Variants in SCAF11 observed in about 807,000 individuals in gnomAD.
The protein encoded by SCAF11 is protein SCAF11.
SCAF11 carries 47 observed loss-of-function variants against 140.5 expected under a neutral mutation model. The ratio of observed to expected loss-of-function variants is 0.33; its 90% confidence interval spans 0.26 to 0.43. The LOEUF (loss-of-function observed/expected upper bound fraction) is 0.43. Among genes scored for constraint, SCAF11 ranks in the 20% least tolerant of loss-of-function variants. The pLI is 1.00. For synonymous variants in SCAF11, 557 were observed against 579.4 expected (o/e 0.96, Z 0.55); for missense variants, 1,645 against 1,705.1 (o/e 0.96, Z 0.62).
At chr12:45,978,139 G>A (rs1422328320) in intron 1 of SCAF11, among the ~76,000 whole-genome samples, 1 of 152,116 alleles carries the variant, frequency 6.6e-6, no homozygotes, top group African/African-American at 2.4e-5. Flanking sequence ...TCAAATGACA[G>A]GCTTCCATTA....
chr12:45,959,271 TAA>T (rs879300794), intron 3 of SCAF11, among the ~76,000 whole-genome samples: 2 of 130,080 alleles, frequency 1.5e-5, no homozygotes, highest in African/African-American at 2.9e-5. Context: ...CTGTCTCAAA[TAA>T]AAAAAAAAAA....
intron 6 of SCAF11, among the ~76,000 whole-genome samples, chr12:45,939,716 T>C (rs1391390812): frequency 6.6e-6 from 1 of 152,126 alleles, no homozygotes; most frequent in Non-Finnish European, 1.5e-5. Flanking sequence ...CCATCTCAAA[T>C]AAACAAATAA....
At chr12:45,968,451 T>C (rs962078555) in intron 1 of SCAF11, among the ~76,000 whole-genome samples, 1 of 152,162 alleles carries the variant, frequency 6.6e-6, no homozygotes, top group African/African-American at 2.4e-5. Flanking sequence ...TCCAAATATG[T>C]TCATATAATA....
At chr12:45,991,344 C>A (rs1357474602), upstream of SCAF11, among the ~76,000 whole-genome samples, 1 of 152,172 alleles carries the variant, frequency 6.6e-6, no homozygotes, top group Non-Finnish European at 1.5e-5. Context: ...GCTGGCGGAT[C>A]GCTTGAGCTC....
Position 45,922,180 on chromosome 12 carries a change from C to G in SCAF11, c.4260G>C (p.Lys1420Asn). 1 of 1,607,104 alleles carries G rather than the reference C, an allele frequency of 6.2e-7. No homozygotes were observed. The highest frequency in any genetic ancestry group is 8.5e-7 in the Non-Finnish European group (1 of 1,178,350). The change falls in exon 15 of 15, where the codon AAG becomes AAC. Residue 1420 changes from lysine (K) to asparagine (N), a missense_variant. Transcript: ENST00000369367. ...CTTTAGTAGAATTTACTTCTCCACT[C>G]TTACTATGACAAACCTAAGAAAAAA... is the stretch of plus-strand genomic sequence containing the variant. ...RKAVDKVCHS[K>N]SGEVNSTKVA...
At chr12:45,985,130 C>T (rs1946432080) in intron 1 of SCAF11, among the ~76,000 whole-genome samples, 1 of 152,188 alleles carries the variant, frequency 6.6e-6, no homozygotes, top group Non-Finnish European at 1.5e-5. Context: ...TTTGGATGCT[C>T]TAATTATTTC....
At chr12:45,948,710 T>C (rs532624018) in intron 4 of SCAF11, among the ~76,000 whole-genome samples, 173 bp from the exon 5 acceptor site, 1 of 152,240 alleles carries the variant, frequency 6.6e-6, no homozygotes, top group Non-Finnish European at 1.5e-5. Flanking sequence ...TTAGTAAGTA[T>C]GCTTAGGTCT....
chr12:45,978,839 T>C (rs1304525400), intron 1 of SCAF11, among the ~76,000 whole-genome samples: 1 of 151,844 alleles, frequency 6.6e-6, no homozygotes, highest in East Asian at 1.9e-4. Flanking sequence ...TACTTGCAAA[T>C]AATAAAGAAA....
At position 45,928,286 on chromosome 12, in the gene SCAF11, G is replaced by A; in HGVS notation, c.1415C>T (p.Ser472Phe). The change falls in exon 11 of 15, where the codon TCT (serine) becomes TTT (phenylalanine). Residue 472 changes from serine (S) to phenylalanine (F), a missense_variant. Coordinates refer to ENST00000369367, the MANE Select transcript of SCAF11 (RefSeq NM_004719.3). Reference sequence around the variant, plus strand: ...TTGAGCACAAGACTCAGAAGATGAAGATCCTACTCTTTCCTCTGTATCATA... The same window carrying A: ...TTGAGCACAAGACTCAGAAGATGAAAATCCTACTCTTTCCTCTGTATCATA... Reference protein sequence around the residue: ...ANYDTEERVGSSSSESCAQDL... With the variant: ...ANYDTEERVGFSSSESCAQDL... 1.9e-6 allele frequency: 3 copies of A among 1,613,924 alleles called. No homozygotes were observed. The highest frequency in any genetic ancestry group is 2.5e-6 in the Non-Finnish European group (3 of 1,179,974).
intron 1 of SCAF11, among the ~76,000 whole-genome samples, chr12:45,976,813 C>A (rs1321757713): frequency 1.3e-5 from 2 of 151,722 alleles, no homozygotes; most frequent in African/African-American, 4.8e-5. Context: ...AAAGTATATA[C>A]AAAACTGGCA....
rs1314235276 is a variant in SCAF11, at chr12:45,927,904, T to C, written c.1797A>G (p.Thr599=). 1.9e-6 allele frequency: 3 copies of C among 1,612,300 alleles called. No homozygotes were observed. Among genetic ancestry groups the C allele is most frequent in the South Asian group, 2.2e-5 (2 of 90,704 alleles). Reference sequence around the variant, plus strand: ...TCTCTATAAGCTCCTCTGTTTTTAGTGTAAAATCTTTATGTTCAGTAATTT... The same window carrying C: ...TCTCTATAAGCTCCTCTGTTTTTAGCGTAAAATCTTTATGTTCAGTAATTT... ...LVEITEHKDF[T]LKTEELIESP... The change falls in exon 11 of 15, where the codon ACA becomes ACG. Residue 599 remains threonine, a synonymous_variant. Coordinates refer to ENST00000369367, the MANE Select transcript of SCAF11 (RefSeq NM_004719.3).
chr12:45,952,927 A>G (rs556901635), intron 3 of SCAF11, among the ~76,000 whole-genome samples: 1 of 152,252 alleles, frequency 6.6e-6, no homozygotes, highest in Non-Finnish European at 1.5e-5. Context: ...GTATCAAGAC[A>G]TGCTTATACA....
At chr12:45,978,579 C>T (rs1311662071) in intron 1 of SCAF11, among the ~76,000 whole-genome samples, 2 of 152,152 alleles carry the variant, frequency 1.3e-5, no homozygotes, top group Admixed American at 6.6e-5. Flanking sequence ...CTTGGGTCAA[C>T]AGCACTGTAT....
intron 6 of SCAF11, 73 bp downstream of exon 6, chr12:45,945,176 G>C: frequency 1.2e-6 from 1 of 865,244 alleles, no homozygotes; most frequent in Non-Finnish European, 1.9e-6. Flanking sequence ...TTACTGATGA[G>C]AACTCTGACA....
Position 45,949,641 on chromosome 12 carries a change from A to C in SCAF11, c.298-1104T>G, listed in dbSNP as rs77098117. On this transcript the variant is annotated intron_variant, in intron 4 of 14. Transcript: ENST00000369367. ...AAACAGATGAGGGAGAGAAAACTGG[A>C]AAAGTCCCAGATATTTCTGATCTTG... Among the ~76,000 whole-genome samples the C allele has an allele frequency of 2.4e-4, 36 of 152,244 alleles. No individual in the cohort carries two copies. In the East Asian group the frequency reaches 7.0e-3, roughly 29 times the overall value.
At position 45,926,262 on chromosome 12, in the gene SCAF11, T is replaced by C; in HGVS notation, c.3439A>G (p.Ser1147Gly). 1 of 1,614,178 alleles carries C rather than the reference T, an allele frequency of 6.2e-7. No homozygotes were observed. The highest frequency in any genetic ancestry group is 1.3e-5 in the African/African-American group (1 of 75,048). Residue 1147 changes from serine to glycine, a missense_variant, in exon 11 of 15, where the codon AGC becomes GGC. Ser to Gly is a moderately conservative substitution (Grantham distance 56). Coordinates refer to ENST00000369367, the MANE Select transcript of SCAF11 (RefSeq NM_004719.3). ...ADRSGWTSASSWAVRKTLPAD... is the reference protein window; with the variant it reads ...ADRSGWTSASGWAVRKTLPAD... ...GGCAAAGTCTTTCTCACGGCCCAGC[T>C]GGATGCAGATGTCCATCCAGATCTA... is the stretch of plus-strand genomic sequence containing the variant.
At chr12:45,932,501 A>G (rs1945071573) in intron 9 of SCAF11, among the ~76,000 whole-genome samples, 1 of 152,126 alleles carries the variant, frequency 6.6e-6, no homozygotes, top group Non-Finnish European at 1.5e-5. Context: ...CATCATTCTT[A>G]GAGGGTGAAT....
chr12:45,923,618 C>T (rs1335721551), intron 12 of SCAF11, among the ~76,000 whole-genome samples: 2 of 151,906 alleles, frequency 1.3e-5, no homozygotes, highest in Admixed American at 1.3e-4. Flanking sequence ...TACTAAAATC[C>T]AATTTCCCTA....
At chr12:45,948,296 C>T (rs1945471598) in intron 5 of SCAF11, 141 bp downstream of exon 5, 1 of 582,402 alleles carries the variant, frequency 1.7e-6, no homozygotes, top group South Asian at 1.8e-5. Flanking sequence ...TCAGCTAGTC[C>T]CTCCTTAAAT....
Sources: allele counts gnomAD v4.1 joint callset (sites outside exome capture counted in the v4.1 genomes callset), GRCh38; gene constraint gnomAD v4.1.1; transcripts MANE v1.5; gene names NCBI Gene and HGNC (gene_info 2026-07-23, HGNC 2026-07-21).